The following FAM13A variants were observed in gnomAD, a reference collection of about 807,000 sequenced individuals.
FAM13A encodes the protein protein FAM13A.
FAM13A carries 76 observed loss-of-function variants against 129.6 expected under a neutral mutation model. The observed-to-expected ratio is 0.59, with a 90% CI of 0.49 to 0.71. The LOEUF (loss-of-function observed/expected upper bound fraction) is 0.71. FAM13A is among the 30% of genes least tolerant of loss of function. The pLI, the probability that FAM13A is intolerant of heterozygous loss-of-function variation, is 0.00. For synonymous variants in FAM13A, 443 were observed against 449.9 expected, an observed-to-expected ratio of 0.98 and a Z score of 0.20; for missense variants, 1,108 against 1,249.3, an observed-to-expected ratio of 0.89 and a Z score of 1.70.
In FAM13A at chr4:88,740,187, C is replaced by T. The variant is rs535086126; in HGVS notation, c.2467-1062G>A. Among the ~76,000 whole-genome samples the T allele has an allele frequency of 3.3e-5, 5 of 152,350 alleles. No homozygotes were observed. The South Asian group carries it at 6.2e-4, about 19-fold the overall frequency. Reference sequence around the variant, plus strand: ...TTGGCAAATTCCAGATGAAGAGCCACTTCTCTGTGCAGCCTTCTTCCAACA... The same window carrying T: ...TTGGCAAATTCCAGATGAAGAGCCATTTCTCTGTGCAGCCTTCTTCCAACA... On this transcript the variant is annotated intron_variant, in intron 19 of 23. Transcript: ENST00000264344.
At position 88,728,312 on chromosome 4, in the gene FAM13A, G is replaced by A; in HGVS notation, c.*221C>T. On this transcript the variant is annotated 3_prime_UTR_variant, in exon 24 of 24. Transcript: ENST00000264344. ...GCGCATGTGCACATACTGCAGTCTTGACTTTCCAATTACAAAATGCCTAAG... is the reference window on the plus strand; with the variant it reads ...GCGCATGTGCACATACTGCAGTCTTAACTTTCCAATTACAAAATGCCTAAG... 1 of 590,190 alleles carries A rather than the reference G, an allele frequency of 1.7e-6. No individual in the cohort carries two copies. The highest frequency in any genetic ancestry group is 3.0e-6 in the Non-Finnish European group (1 of 332,856). The allele number at this position is 590,190 out of a possible 1,614,324, so 36.6% of individuals were successfully genotyped here.
At chr4:88,779,924 C>T (rs1259710012) in intron 11 of FAM13A, among the ~76,000 whole-genome samples, 1 of 152,138 alleles carries the variant, frequency 6.6e-6, no homozygotes, top group Non-Finnish European at 1.5e-5. Context: ...GACTTTCAGT[C>T]ACCAGATAGC....
intron 6 of FAM13A, among the ~76,000 whole-genome samples, chr4:88,899,026 C>T (rs181273537): frequency 6.6e-6 from 1 of 151,846 alleles, no homozygotes; most frequent in East Asian, 1.9e-4. Context: ...AGCCCAAAGC[C>T]CATCAATCAA....
At chr4:88,908,116 C>T (rs1393998221) in intron 5 of FAM13A, among the ~76,000 whole-genome samples, 1 of 152,204 alleles carries the variant, frequency 6.6e-6, no homozygotes, top group Non-Finnish European at 1.5e-5. Flanking sequence ...TATGTAAGTA[C>T]CAAAGGGTAC....
intron 11 of FAM13A, among the ~76,000 whole-genome samples, chr4:88,775,014 C>T (rs1403356305): frequency 2.6e-5 from 4 of 152,090 alleles, no homozygotes; most frequent in African/African-American, 7.2e-5. Flanking sequence ...AGAGGGGTGA[C>T]AACTGAAACC....
At chr4:88,731,828 G>A in intron 22 of FAM13A, 174 bp downstream of exon 22, 1 of 569,310 alleles carries the variant, frequency 1.8e-6, no homozygotes, top group East Asian at 2.9e-5. Context: ...CAAATAACAT[G>A]GGCTGAAGCA....
At chr4:88,980,030 T>C (rs895971536) in intron 4 of FAM13A, among the ~76,000 whole-genome samples, 1 of 152,196 alleles carries the variant, frequency 6.6e-6, no homozygotes, top group Non-Finnish European at 1.5e-5. Flanking sequence ...CTTAAATAAA[T>C]TGTATTGCTC....
chr4:88,815,979 C>A (rs1254957531), intron 7 of FAM13A, among the ~76,000 whole-genome samples: 1 of 143,774 alleles, frequency 7.0e-6, no homozygotes, highest in Non-Finnish European at 1.5e-5. Context: ...AATCCAAGTT[C>A]TTTTTCTAAA....
At chr4:88,907,532 T>A (rs571447691) in intron 5 of FAM13A, among the ~76,000 whole-genome samples, 1 of 152,362 alleles carries the variant, frequency 6.6e-6, no homozygotes, top group East Asian at 1.9e-4. Context: ...ACAACACTAC[T>A]TATTATTAAT....
intron 5 of FAM13A, among the ~76,000 whole-genome samples, chr4:88,914,147 A>T (rs1035321858): frequency 2.0e-5 from 3 of 152,172 alleles, no homozygotes; most frequent in Non-Finnish European, 4.4e-5. Flanking sequence ...CGCCAAGTGC[A>T]GTCAGTACTA....
At chr4:88,802,826 A>G (rs926516173) in intron 8 of FAM13A, among the ~76,000 whole-genome samples, 1 of 151,492 alleles carries the variant, frequency 6.6e-6, no homozygotes, top group Non-Finnish European at 1.5e-5. Context: ...TCTCTTCTCC[A>G]CTCCAGTAGC....
At position 89,057,152 on chromosome 4, in the gene FAM13A, T is replaced by A; in HGVS notation, c.-188A>T. On this transcript the variant is annotated 5_prime_UTR_variant, in exon 1 of 24. Coordinates refer to ENST00000264344, the MANE Select transcript of FAM13A (RefSeq NM_014883.4). ...AGAGTGGTTTTGCTTCTCTTTCCGC[T>A]GAACCCACATGGCTGGAAGGACTGC... 1 of 1,435,978 alleles carries A rather than the reference T, an allele frequency of 7.0e-7. No homozygotes were observed. The highest frequency in any genetic ancestry group is 9.1e-7 in the Non-Finnish European group (1 of 1,096,618). The allele number at this position is 1,435,978 out of a possible 1,614,324, so 89.0% of individuals were successfully genotyped here. A position where few individuals can be genotyped will look rare whatever the true frequency, so the allele number is the denominator to read the frequency against.
In FAM13A at chr4:88,859,986, G is replaced by A. The variant is rs564445126; in HGVS notation, c.844-8803C>T. ...TATTTTCCTTATAAAAACAAATTCA[G>A]TAATTCCTTTGTTGCTTCTTTCCCC... On this transcript the variant is annotated intron_variant, in intron 6 of 23. Transcript: ENST00000264344. Among the ~76,000 whole-genome samples, 15 of 152,254 alleles carry A rather than the reference G, an allele frequency of 9.9e-5. No individual in the cohort carries two copies. In the South Asian group the frequency reaches 2.3e-3, roughly 23 times the overall value.
At chr4:88,811,599 G>C (rs1729680805) in intron 7 of FAM13A, among the ~76,000 whole-genome samples, 1 of 134,628 alleles carries the variant, frequency 7.4e-6, no homozygotes, top group Non-Finnish European at 1.6e-5. Flanking sequence ...GAGTTCTTAA[G>C]TGGGGGGTGG....
At chr4:88,874,822 T>G (rs1241472880) in intron 6 of FAM13A, among the ~76,000 whole-genome samples, 4 of 152,270 alleles carry the variant, frequency 2.6e-5, no homozygotes, top group Admixed American at 2.6e-4. Flanking sequence ...AGAAAGAGCC[T>G]GCATTGCCAA....
chr4:88,729,691 C>T (rs905180289), intron 23 of FAM13A: 5 of 152,212 alleles, frequency 3.3e-5, no homozygotes, highest in African/African-American at 1.2e-4. Context: ...AGCTTATCTC[C>T]TAAGTCCCTC....
At chr4:88,783,970 G>A (rs912503129) in intron 10 of FAM13A, among the ~76,000 whole-genome samples, 8 of 152,048 alleles carry the variant, frequency 5.3e-5, no homozygotes, top group Non-Finnish European at 7.4e-5. Context: ...CCACCCAGTC[G>A]GTGGTATTTT....
Position 89,029,657 on chromosome 4 carries a change from G to T in FAM13A, c.28-8C>A. 6.4e-7 allele frequency: 1 copy of T among 1,568,918 alleles called. No homozygotes were observed. ...AACCGCTGCTTTACTTTGCTTAAAG[G>T]AGCGTAAGAAAAAAGAGCAGTCAGT... On this transcript the variant is annotated splice_polypyrimidine_tract_variant and splice_region_variant and intron_variant, in intron 1 of 23. Coordinates refer to ENST00000264344, the MANE Select transcript of FAM13A (RefSeq NM_014883.4).
intron 4 of FAM13A, among the ~76,000 whole-genome samples, chr4:88,952,949 A>G (rs1429536022): frequency 6.6e-6 from 1 of 152,066 alleles, no homozygotes; most frequent in African/African-American, 2.4e-5. Context: ...CTCTGTCTCA[A>G]ATAAATAAAT....
Sources: gnomAD v4.1 joint callset for allele counts (sites outside exome capture counted in the v4.1 genomes callset) on GRCh38, gnomAD v4.1.1 for gene constraint, MANE v1.5 for transcripts, NCBI Gene and HGNC (gene_info 2026-07-23, HGNC 2026-07-21) for gene names.